Variants in DPP6 observed in about 807,000 individuals in gnomAD.
DPP6 encodes the protein dipeptidyl peptidase like 6, also known as A-type potassium channel modulatory protein DPP6.
A neutral mutation model predicts 122.6 loss-of-function variants in DPP6; 69 were observed. That is an observed-to-expected ratio of 0.56 (90% CI 0.46 to 0.69). The LOEUF is 0.69. Ranked by LOEUF, DPP6 falls within the 30% of genes least tolerant of loss-of-function variation. The pLI is 0.00. For missense variants in DPP6, 928 were observed against 1,116.9 expected (o/e 0.83, Z 2.41); for synonymous variants, 418 against 433.1 (o/e 0.97, Z 0.43).
the DPP6 span, among the ~76,000 whole-genome samples, chr7:153,772,290 G>T: frequency 6.6e-6 from 1 of 152,152 alleles, no homozygotes; most frequent in Admixed American, 6.5e-5. Context: ...CACCATGTTG[G>T]CCAGGCTGGT....
chr7:154,881,414 G>A (rs1018740428), intron 21 of DPP6, among the ~76,000 whole-genome samples: 4 of 152,232 alleles, frequency 2.6e-5, no homozygotes, highest in Non-Finnish European at 4.4e-5. Flanking sequence ...TCAGAAGGCT[G>A]TAGCCTGGGA....
chr7:153,992,517 G>T (rs991408246), intron 1 of DPP6, among the ~76,000 whole-genome samples: 6 of 151,998 alleles, frequency 3.9e-5, no homozygotes, highest in African/African-American at 9.7e-5. Context: ...GCCATCACTT[G>T]CATCCTCCAT....
At position 154,107,217 on chromosome 7, in the gene DPP6, C is replaced by T. The variant is rs796243231; in HGVS notation, c.243+54154C>T. Among the ~76,000 whole-genome samples the T allele has an allele frequency of 7.2e-5, 11 of 152,234 alleles. No individual in the cohort carries two copies. The South Asian group carries it at 1.5e-3, about 20-fold the overall frequency. On this transcript the variant is annotated intron_variant, in intron 1 of 25. Coordinates refer to ENST00000377770, the MANE Select transcript of DPP6 (RefSeq NM_130797.4). ...CATCCACAGATGAATGGATAAGAAA[C>T]GTGTGGTGTATGTACACAATGGAAT...
intron 16 of DPP6, among the ~76,000 whole-genome samples, chr7:154,844,196 A>T (rs760664268): frequency 7.2e-5 from 11 of 152,368 alleles, no homozygotes; most frequent in South Asian, 2.1e-4. Context: ...ATCATTTAAT[A>T]AGTTTTACTG....
Position 154,388,639 on chromosome 7 carries a change from G to A in DPP6, c.244-57575G>A, listed in dbSNP as rs141094675. Among the ~76,000 whole-genome samples the A allele has an allele frequency of 6.2e-3, 948 of 152,208 alleles. 7 individuals are homozygous for A. Among genetic ancestry groups the A allele is most frequent in the Middle Eastern group, 0.024 (7 of 294 alleles). On this transcript the variant is annotated intron_variant, in intron 1 of 25. Transcript: ENST00000377770. ...AACCTGCCCTGATGCCCAGGCCAGC[G>A]TGCTCTGGCTGCCTGGCTTATGTCT...
the DPP6 span, among the ~76,000 whole-genome samples, chr7:153,851,851 G>C: frequency 6.6e-6 from 1 of 151,936 alleles, no homozygotes; most frequent in African/African-American, 2.4e-5. Flanking sequence ...AAGTTCTTGA[G>C]GAATTCCAAA....
At chr7:154,758,189 G>A (rs942727975) in intron 8 of DPP6, among the ~76,000 whole-genome samples, 1 of 152,162 alleles carries the variant, frequency 6.6e-6, no homozygotes, top group Non-Finnish European at 1.5e-5. Context: ...CTGTCAGGTG[G>A]CAGACATTCT....
In DPP6 at chr7:154,150,676, C is replaced by T. The variant is rs541817313; in HGVS notation, c.243+97613C>T. Among the ~76,000 whole-genome samples, 3 of 152,358 alleles carry T rather than the reference C, an allele frequency of 2.0e-5. No individual in the cohort carries two copies. In the East Asian group the frequency reaches 5.8e-4, roughly 29 times the overall value. ...AGCACCTGTGATGTCTGGGTTCTCTCCATTCCCAGGCCTGAGAGCGGCTGC... is the reference window on the plus strand; with the variant it reads ...AGCACCTGTGATGTCTGGGTTCTCTTCATTCCCAGGCCTGAGAGCGGCTGC... On this transcript the variant is annotated intron_variant, in intron 1 of 25. Coordinates refer to ENST00000377770, the MANE Select transcript of DPP6 (RefSeq NM_130797.4).
At chr7:154,305,328 T>A in intron 1 of DPP6, 1 of 1,246,412 alleles carries the variant, frequency 8.0e-7, no homozygotes, top group Non-Finnish European at 1.0e-6. Flanking sequence ...AGCAAACTCG[T>A]CTTGTCTACC....
At chr7:153,748,417 G>T in the DPP6 span, among the ~76,000 whole-genome samples, 1 of 76,412 alleles carries the variant, frequency 1.3e-5, no homozygotes, top group African/African-American at 5.3e-5. Flanking sequence ...GCTTTTGAGG[G>T]TGAGGGGGGT....
intron 1 of DPP6, among the ~76,000 whole-genome samples, chr7:154,060,718 GGGGGAGGCACCCCCCGCGAGGCAGGGAC>G (rs1563151127): frequency 3.3e-3 from 244 of 74,978 alleles, no homozygotes; most frequent in African/African-American, 0.012. Context: ...CCATCGCAGG[GGGGGAGGCACCCCCCGCGAGGCAGGGAC>G]TGAGAGCCAG....
the DPP6 span, among the ~76,000 whole-genome samples, chr7:153,755,501 C>T: frequency 0.36 from 52,721 of 148,322 alleles, 11,804 homozygotes; most frequent in East Asian, 0.64. Context: ...TTTTCATGCC[C>T]TCCCTTTTTT....
intron 6 of DPP6, among the ~76,000 whole-genome samples, chr7:154,648,583 ATG>A (rs1836656230): frequency 6.6e-6 from 1 of 152,148 alleles, no homozygotes; most frequent in Non-Finnish European, 1.5e-5. Flanking sequence ...AACTGTACGT[ATG>A]TGATTTCAAG....
At chr7:154,407,503 A>T (rs1247350992) in intron 1 of DPP6, among the ~76,000 whole-genome samples, 1 of 152,094 alleles carries the variant, frequency 6.6e-6, no homozygotes, top group Non-Finnish European at 1.5e-5. Flanking sequence ...CGCTACAACG[A>T]TTTTGCCAGG....
chr7:153,993,560 G>T (rs1480887087), intron 1 of DPP6, among the ~76,000 whole-genome samples: 1 of 152,224 alleles, frequency 6.6e-6, no homozygotes, highest in African/African-American at 2.4e-5. Flanking sequence ...ACCCAAGGTT[G>T]TAAACCAAAG....
At chr7:154,889,238 C>T (rs1346907407) in intron 23 of DPP6, 34 bp from the exon 24 acceptor site, 8 of 1,607,902 alleles carry the variant, frequency 5.0e-6, no homozygotes, top group Non-Finnish European at 5.9e-6. Context: ...CAGTGCAGCC[C>T]CCTAACTCTG....
At chr7:154,129,533 T>C (rs6464385) in intron 1 of DPP6, among the ~76,000 whole-genome samples, 127,548 of 152,210 alleles carry the variant, frequency 0.84, 53,944 homozygotes, top group African/African-American at 0.95. Context: ...CAGGCTGAGA[T>C]AGGCGGATTG....
At chr7:154,291,809 C>A (rs958205058) in intron 1 of DPP6, among the ~76,000 whole-genome samples, 3 of 152,334 alleles carry the variant, frequency 2.0e-5, no homozygotes, top group East Asian at 1.9e-4. Flanking sequence ...AGGTGAGTTA[C>A]TGACCAGAAT....
chr7:154,522,759 C>T (rs1361773942), intron 3 of DPP6, among the ~76,000 whole-genome samples: 2 of 152,170 alleles, frequency 1.3e-5, no homozygotes, highest in Non-Finnish European at 2.9e-5. Context: ...TAAACTGCAG[C>T]CCCGCTGTAG....
Sources: allele counts gnomAD v4.1 joint callset (sites outside exome capture counted in the v4.1 genomes callset), GRCh38; gene constraint gnomAD v4.1.1; transcripts MANE v1.5; gene names NCBI Gene and HGNC (gene_info 2026-07-23, HGNC 2026-07-21).